GMPS: variants seen among roughly 807,000 people sequenced by gnomAD.
GMPS encodes the protein GMP synthase [glutamine-hydrolyzing].
A neutral mutation model predicts 77.9 loss-of-function variants in GMPS; 15 were observed. The observed-to-expected ratio is 0.19, with a 90% confidence interval of 0.13 to 0.30. The LOEUF (loss-of-function observed/expected upper bound fraction) is 0.30. GMPS is among the 10% of genes least tolerant of loss of function. The probability of loss-of-function intolerance (pLI) is 1.00; values close to 1 mark genes in which losing one functional copy is unlikely to be tolerated. For synonymous variants in GMPS, 224 were observed against 275.9 expected (o/e 0.81, Z 1.86); for missense variants, 590 against 838.8 (o/e 0.70, Z 3.66).
rs1754367490 is a variant in GMPS, at chr3:155,887,653, A to T, written c.28-5865A>T. 2.0e-5 allele frequency among the ~76,000 whole-genome samples: 3 copies of T among 152,200 alleles called. No homozygotes were observed. The South Asian group carries it at 6.2e-4, about 32-fold the overall frequency. On this transcript the variant is annotated intron_variant, in intron 1 of 15. Coordinates refer to ENST00000496455, the MANE Select transcript of GMPS (RefSeq NM_003875.3). ...CACCTTGTTTTTGACAATTGGGGAA[A>T]CTTATATGTAGATAATTATCAATGT...
chr3:155,886,006 A>G (rs986049384), intron 1 of GMPS, among the ~76,000 whole-genome samples: 1 of 152,010 alleles, frequency 6.6e-6, no homozygotes, highest in Non-Finnish European at 1.5e-5. Context: ...TTTTTAGTAG[A>G]GATGAGGTTT....
intron 8 of GMPS, among the ~76,000 whole-genome samples, chr3:155,914,888 C>G (rs1755134548): frequency 6.6e-6 from 1 of 151,860 alleles, no homozygotes; most frequent in Non-Finnish European, 1.5e-5. Flanking sequence ...CCTGCCTCAG[C>G]CTCCTAAGTA....
chr3:155,877,523 T>C (rs1754080184), intron 1 of GMPS, among the ~76,000 whole-genome samples: 2 of 152,164 alleles, frequency 1.3e-5, no homozygotes, highest in South Asian at 4.2e-4. Context: ...CCTCTACCCT[T>C]CAGCAAGGGT....
intron 8 of GMPS, among the ~76,000 whole-genome samples, chr3:155,914,974 T>G (rs1003275257): frequency 2.0e-5 from 3 of 152,042 alleles, no homozygotes; most frequent in African/African-American, 7.2e-5. Context: ...TTCACCATGT[T>G]GGCCAGGTTG....
At chr3:155,904,544 C>T (rs1754823679) in intron 4 of GMPS, among the ~76,000 whole-genome samples, 1 of 152,164 alleles carries the variant, frequency 6.6e-6, no homozygotes, top group Non-Finnish European at 1.5e-5. Flanking sequence ...CCACCTCGGC[C>T]TCCCAAAGTG....
chr3:155,896,554 A>AT (rs200564250), intron 2 of GMPS, among the ~76,000 whole-genome samples: 16 of 148,082 alleles, frequency 1.1e-4, no homozygotes, highest in African/African-American at 1.7e-4. Flanking sequence ...CTTGCTGAGT[A>AT]TTTTTTTTTT....
intron 5 of GMPS, among the ~76,000 whole-genome samples, chr3:155,908,525 A>G (rs1391901354): frequency 6.6e-6 from 1 of 152,218 alleles, no homozygotes; most frequent in Non-Finnish European, 1.5e-5. Context: ...TGTTAGGACC[A>G]GGGTGGCAGA....
Position 155,942,430 on chromosome 3 carries a change from T to C in GMPS, c.*4738T>C, listed in dbSNP as rs77339834. 9.3e-4 allele frequency: 204 copies of C among 219,340 alleles called. 1 individual carries two copies. Among genetic ancestry groups the C allele is most frequent in the African/African-American group, 4.3e-3 (190 of 44,618 alleles). 13.6% of individuals were successfully genotyped at this position (219,340 alleles called of 1,614,324 possible). A position where few individuals can be genotyped will look rare whatever the true frequency, so the allele number is the denominator to read the frequency against. ...ATCTCCCAGTCAGAATAAATTCTTATTGAGGGCCATACCTAGCCTGTCTTC... is the reference window on the plus strand; with the variant it reads ...ATCTCCCAGTCAGAATAAATTCTTACTGAGGGCCATACCTAGCCTGTCTTC... On this transcript the variant is annotated 3_prime_UTR_variant, in exon 16 of 16. Coordinates refer to ENST00000496455, the MANE Select transcript of GMPS (RefSeq NM_003875.3).
chr3:155,896,745 T>A lies in GMPS; in HGVS notation c.210-1182T>A, dbSNP rs1204377736. ...CTTACTGAGATTTTTTTTTTTTTTTTTTTTTTTATAAATTTGACTTATGTT... is the reference window on the plus strand; with the variant it reads ...CTTACTGAGATTTTTTTTTTTTTTTATTTTTTTATAAATTTGACTTATGTT... On this transcript the variant is annotated intron_variant, in intron 2 of 15. Transcript: ENST00000496455. Among the ~76,000 whole-genome samples, 9 of 137,318 alleles carry A rather than the reference T, an allele frequency of 6.6e-5. 1 individual carries two copies. Among genetic ancestry groups the A allele is most frequent in the African/African-American group, 2.2e-4 (9 of 40,706 alleles). The allele number at this position is 137,318 out of a possible 152,430, so 90.1% of individuals were successfully genotyped here.
intron 4 of GMPS, among the ~76,000 whole-genome samples, chr3:155,905,911 C>T (rs1440935825): frequency 6.6e-6 from 1 of 152,016 alleles, no homozygotes; most frequent in Admixed American, 6.6e-5. Flanking sequence ...GTTATACTAC[C>T]AACTTCATAT....
Position 155,938,218 on chromosome 3 carries a change from T to A in GMPS, c.*526T>A, listed in dbSNP as rs940158542. ...TATTCCAGCCACTTTTGAAGGACAC[T>A]GAGGGTATAAAATGTAAGCTACCAT... is the stretch of plus-strand genomic sequence containing the variant. On this transcript the variant is annotated 3_prime_UTR_variant, in exon 16 of 16. Transcript: ENST00000496455. The A allele has an allele frequency of 4.5e-6, 1 of 221,360 alleles. No individual in the cohort carries two copies. Among genetic ancestry groups the A allele is most frequent in the Non-Finnish European group, 9.0e-6 (1 of 110,730 alleles). The allele number at this position is 221,360 out of a possible 1,614,324, so 13.7% of individuals were successfully genotyped here.
In GMPS at chr3:155,943,333, G is replaced by A. The variant is rs1235823738; in HGVS notation, c.*5641G>A. 1 of 181,206 alleles carries A rather than the reference G, an allele frequency of 5.5e-6. No individual in the cohort carries two copies. The highest frequency in any genetic ancestry group is 1.2e-5 in the Non-Finnish European group (1 of 84,856). 11.2% of individuals were successfully genotyped at this position (181,206 alleles called of 1,614,324 possible). On this transcript the variant is annotated 3_prime_UTR_variant, in exon 16 of 16. Transcript: ENST00000496455. ...AAATTATGAAAGTTTAGGAAATTTG[G>A]CTATTGAGTATATTAAGTACAACTA...
At chr3:155,886,663 C>T (rs1423408677) in intron 1 of GMPS, among the ~76,000 whole-genome samples, 1 of 132,162 alleles carries the variant, frequency 7.6e-6, no homozygotes, top group East Asian at 2.5e-4. Context: ...CTCTGTCACC[C>T]AGGCTGGAGT....
At chr3:155,936,260 C>A in intron 14 of GMPS, 78 bp from the exon 15 acceptor site, 1 of 866,296 alleles carries the variant, frequency 1.2e-6, no homozygotes, top group African/African-American at 1.6e-5. Context: ...TCAGATATTG[C>A]CTGGGAGGAT....
intron 1 of GMPS, among the ~76,000 whole-genome samples, chr3:155,888,660 G>A (rs184378979): frequency 4.0e-5 from 6 of 150,100 alleles, no homozygotes; most frequent in Admixed American, 2.0e-4. Flanking sequence ...ATCTCAGCTC[G>A]CTGCAACCTT....
chr3:155,934,847 C>T, intron 13 of GMPS, 69 bp from the exon 14 acceptor site: 3 of 1,055,286 alleles, frequency 2.8e-6, no homozygotes, highest in Non-Finnish European at 4.4e-6. Context: ...TGCCTTGCTT[C>T]TCATACTAAA....
intron 1 of GMPS, among the ~76,000 whole-genome samples, chr3:155,881,356 C>G (rs6800992): frequency 0.98 from 148,442 of 151,968 alleles, 72,523 homozygotes; most frequent in East Asian, 1. Context: ...ATTTTTAGTA[C>G]AGACAGGGTT....
intron 2 of GMPS, 61 bp from the exon 3 acceptor site, chr3:155,897,866 G>C (rs1560041792): frequency 1.2e-6 from 1 of 849,038 alleles, no homozygotes; most frequent in Admixed American, 1.7e-5. Context: ...AAGGGAGAGA[G>C]GGCATAGACC....
At chr3:155,871,413 C>T (rs954429379) in intron 1 of GMPS, among the ~76,000 whole-genome samples, 6 of 152,150 alleles carry the variant, frequency 3.9e-5, no homozygotes, top group Non-Finnish European at 7.4e-5. Context: ...CCCCGTTTCC[C>T]GCCTGCCCTC....
Sources: allele counts gnomAD v4.1 joint callset (sites outside exome capture counted in the v4.1 genomes callset), GRCh38; gene constraint gnomAD v4.1.1; transcripts MANE v1.5; gene names NCBI Gene and HGNC (gene_info 2026-07-23, HGNC 2026-07-21).